The following CADPS2 variants were observed in gnomAD, a reference collection of about 807,000 sequenced individuals.
The protein encoded by CADPS2 is calcium-dependent secretion activator 2.
A neutral mutation model predicts 172.5 loss-of-function variants in CADPS2; 93 were observed. That is an observed-to-expected ratio of 0.54 (90% CI 0.46 to 0.64). CADPS2 has a LOEUF of 0.64. CADPS2 is among the 30% of genes least tolerant of loss of function. CADPS2 has a pLI of 0.00. For synonymous variants in CADPS2, 546 were observed against 555.2 expected (o/e 0.98, Z 0.23); for missense variants, 1,420 against 1,565.9 (o/e 0.91, Z 1.57).
intron 17 of CADPS2, among the ~76,000 whole-genome samples, chr7:122,433,406 GTT>G (rs112290645): frequency 1.4e-5 from 2 of 140,290 alleles, no homozygotes; most frequent in Non-Finnish European, 1.5e-5. Flanking sequence ...TGTTTTTTTG[GTT>G]TTTTTTTTTT....
intron 1 of CADPS2, among the ~76,000 whole-genome samples, chr7:122,813,452 A>T (rs891859090): frequency 2.6e-5 from 4 of 152,130 alleles, no homozygotes; most frequent in East Asian, 1.9e-4. Flanking sequence ...TACATAACTC[A>T]TCATTTCAAA....
chr7:122,564,705 C>T (rs966199140), intron 7 of CADPS2, among the ~76,000 whole-genome samples: 3 of 152,112 alleles, frequency 2.0e-5, no homozygotes, highest in Non-Finnish European at 4.4e-5. Context: ...CAAAAAGACA[C>T]CTGCATGCCT....
rs2046812559 is a variant in CADPS2 at position 122,407,633 on chromosome 7, C to T, written c.2653G>A (p.Val885Met). 1.9e-6 allele frequency: 3 copies of T among 1,612,044 alleles called. No individual in the cohort carries two copies. The highest frequency in any genetic ancestry group is 2.2e-5 in the East Asian group (1 of 44,860). Residue 885 changes from valine to methionine, a missense_variant, in exon 20 of 30, where the codon GTG becomes ATG. Transcript: ENST00000449022. The stretch of plus-strand genomic sequence containing the variant: ...GCCTCTAGTGCAGTGTCCATATCCA[C>T]TGTAAATAAAGCCCAAAATTTCTCT... Reference protein sequence around the residue: ...HAEKFWALFTVDMDTALEAQP... With the variant: ...HAEKFWALFTMDMDTALEAQP...
At chr7:122,757,548 T>C (rs988155513) in intron 1 of CADPS2, among the ~76,000 whole-genome samples, 72 of 152,124 alleles carry the variant, frequency 4.7e-4, no homozygotes, top group African/African-American at 1.6e-3. Context: ...CTCTCGTTCC[T>C]GATCTAGATG....
At chr7:122,487,106 G>A (rs1244382654) in intron 11 of CADPS2, among the ~76,000 whole-genome samples, 1 of 149,990 alleles carries the variant, frequency 6.7e-6, no homozygotes, top group East Asian at 2.0e-4. Flanking sequence ...CACCCCTCGG[G>A]TTCAAGCAGT....
chr7:122,327,061 T>C (rs2034012127), intron 28 of CADPS2, among the ~76,000 whole-genome samples: 1 of 152,078 alleles, frequency 6.6e-6, no homozygotes, highest in African/African-American at 2.4e-5. Context: ...TAATGAGCAC[T>C]TTCCTAATAT....
intron 6 of CADPS2, among the ~76,000 whole-genome samples, chr7:122,612,195 G>A (rs1439345238): frequency 1.3e-5 from 2 of 151,770 alleles, no homozygotes; most frequent in Non-Finnish European, 2.9e-5. Context: ...CATTGAACTG[G>A]AAACAATTAG....
chr7:122,643,351 C>T (rs1437846403), intron 3 of CADPS2, among the ~76,000 whole-genome samples: 1 of 152,236 alleles, frequency 6.6e-6, no homozygotes, highest in African/African-American at 2.4e-5. Flanking sequence ...CTCTACCCAA[C>T]TGACTGTGAT....
intron 8 of CADPS2, among the ~76,000 whole-genome samples, chr7:122,546,287 C>T (rs79333983): frequency 0.2 from 30,412 of 151,918 alleles, 4,042 homozygotes; most frequent in Non-Finnish European, 0.3. Flanking sequence ...GGGCTGTGGC[C>T]GTGATATTAT....
intron 6 of CADPS2, among the ~76,000 whole-genome samples, chr7:122,592,688 G>A (rs957842082): frequency 3.3e-5 from 5 of 151,984 alleles, no homozygotes; most frequent in African/African-American, 1.2e-4. Context: ...TCCTTTATGG[G>A]GACATGGATG....
intron 6 of CADPS2, among the ~76,000 whole-genome samples, chr7:122,613,251 A>G (rs1207030024): frequency 6.6e-6 from 1 of 152,162 alleles, no homozygotes; most frequent in African/African-American, 2.4e-5. Context: ...ACAGAATGAG[A>G]GAAAAGATTT....
intron 3 of CADPS2, among the ~76,000 whole-genome samples, chr7:122,629,574 G>C (rs922499137): frequency 6.6e-6 from 1 of 152,064 alleles, no homozygotes; most frequent in Admixed American, 6.6e-5. Flanking sequence ...CAAGAAATTA[G>C]ATTTCTTGAT....
intron 3 of CADPS2, among the ~76,000 whole-genome samples, chr7:122,645,456 T>TAC (rs2078335386): frequency 1.0e-5 from 1 of 95,364 alleles, no homozygotes; most frequent in Admixed American, 1.1e-4. Flanking sequence ...CACACATATG[T>TAC]ATATATGTGT....
At chr7:122,665,483 CTGTCA>C (rs1445538671) in intron 2 of CADPS2, among the ~76,000 whole-genome samples, 1 of 152,138 alleles carries the variant, frequency 6.6e-6, no homozygotes, top group East Asian at 1.9e-4. Context: ...CCTAATAAGC[CTGTCA>C]TAAGTTAAAA....
rs988288305 is a variant in CADPS2, at chr7:122,886,361, C to A, written c.-24G>T. ...ATGGTGCTCGGGGATCCCCGCCGCT[C>A]GGCCCGCGGTCCCCAAGCGCCTCAC... On this transcript the variant is annotated 5_prime_UTR_variant, in exon 1 of 30. Coordinates refer to ENST00000449022, the MANE Select transcript of CADPS2 (RefSeq NM_017954.11). 4.1e-5 allele frequency: 61 copies of A among 1,488,400 alleles called. No homozygotes were observed. The highest frequency in any genetic ancestry group is 5.1e-5 in the Non-Finnish European group (58 of 1,128,052). 92.2% of individuals were successfully genotyped at this position (1,488,400 alleles called of 1,614,324 possible).
rs111774133 is a variant in CADPS2 at position 122,478,417 on chromosome 7, T to G, written c.1861+2435A>C. ...TAACTACAGATGTGGGATTGGTAAT[T>G]GAGGATACTGGTGGAGTTTCTATGG... On this transcript the variant is annotated intron_variant, in intron 12 of 29. Transcript: ENST00000449022. Among the ~76,000 whole-genome samples, 530 of 152,326 alleles carry G rather than the reference T, an allele frequency of 3.5e-3. 6 individuals carry two copies. Among genetic ancestry groups the G allele is most frequent in the Non-Finnish European group, 6.1e-3 (414 of 68,012 alleles).
chr7:122,840,110 T>G (rs1395406525), intron 1 of CADPS2, among the ~76,000 whole-genome samples: 1 of 152,076 alleles, frequency 6.6e-6, no homozygotes, highest in Admixed American at 6.6e-5. Flanking sequence ...AAAAAAAGGA[T>G]GAGTTCATGT....
intron 2 of CADPS2, among the ~76,000 whole-genome samples, chr7:122,690,530 G>A (rs978134306): frequency 4.3e-4 from 66 of 152,200 alleles, no homozygotes; most frequent in African/African-American, 1.5e-3. Context: ...GGGGCTTGGA[G>A]GGTCCATGGC....
chr7:122,496,996 A>G (rs13225523), intron 9 of CADPS2, among the ~76,000 whole-genome samples: 1 of 152,094 alleles, frequency 6.6e-6, no homozygotes, highest in East Asian at 1.9e-4. Context: ...AATCTCATAT[A>G]TATACCTGGG....
Sources: allele counts gnomAD v4.1 joint callset (sites outside exome capture counted in the v4.1 genomes callset), GRCh38; gene constraint gnomAD v4.1.1; transcripts MANE v1.5; gene names NCBI Gene and HGNC (gene_info 2026-07-23, HGNC 2026-07-21).